TM9SF3: variants seen among roughly 807,000 people sequenced by gnomAD.
TM9SF3 encodes the protein transmembrane 9 superfamily member 3.
Under a neutral mutation model 78.6 loss-of-function variants are expected in TM9SF3, and 14 were observed. The ratio of observed to expected loss-of-function variants is 0.18; its 90% CI spans 0.12 to 0.28. The LOEUF (loss-of-function observed/expected upper bound fraction) is 0.28, where lower values mean the gene tolerates loss of function less well. Among genes scored for constraint, TM9SF3 ranks in the 10% least tolerant of loss-of-function variants. The probability of loss-of-function intolerance (pLI) is 1.00; values close to 1 mark genes in which losing one functional copy is unlikely to be tolerated. For synonymous variants in TM9SF3, 231 were observed against 241.7 expected, an observed-to-expected ratio of 0.96 and a Z score of 0.41; for missense variants, 496 against 721.9, an observed-to-expected ratio of 0.69 and a Z score of 3.59.
chr10:96,579,896 TACCAAAAGAC>T (rs1848541844), intron 1 of TM9SF3, among the ~76,000 whole-genome samples: 1 of 152,130 alleles, frequency 6.6e-6, no homozygotes, highest in Admixed American at 6.6e-5. Context: ...AATTAAAAAA[TACCAAAAGAC>T]TTCACACAAC....
intron 10 of TM9SF3, among the ~76,000 whole-genome samples, chr10:96,531,701 T>C (rs1847897676): frequency 6.6e-6 from 1 of 152,122 alleles, no homozygotes; most frequent in African/African-American, 2.4e-5. Context: ...CCCAGGATTA[T>C]ACTCCCCAAA....
chr10:96,560,655 G>A (rs1480157595), intron 4 of TM9SF3: 29 of 622,350 alleles, frequency 4.7e-5, no homozygotes, highest in Non-Finnish European at 5.8e-5. Flanking sequence ...AGTAAAACTT[G>A]CTGCTGATGA....
intron 12 of TM9SF3, 37 bp from the exon 13 acceptor site, chr10:96,527,533 T>G (rs771035685): frequency 6.7e-7 from 1 of 1,493,354 alleles, no homozygotes; most frequent in East Asian, 2.3e-5. Context: ...AAATCTCTTT[T>G]GAATGAATGG....
chr10:96,558,477 T>C (rs1388890710), intron 5 of TM9SF3, among the ~76,000 whole-genome samples: 1 of 151,724 alleles, frequency 6.6e-6, no homozygotes, highest in African/African-American at 2.4e-5. Flanking sequence ...ACCCCACCCC[T>C]ACTAAAAAAA....
Position 96,586,722 on chromosome 10 carries a change from G to A in TM9SF3, c.102+12C>T. On this transcript the variant is annotated intron_variant, in intron 1 of 14. Coordinates refer to ENST00000371142, the MANE Select transcript of TM9SF3 (RefSeq NM_020123.4). ...CTAGCCCGGGGCGGCCGCGCCGGCC[G>A]GGGCGCCTCACCGTGTGTTCGTGCT... The A allele has an allele frequency of 5.7e-6, 7 of 1,224,360 alleles. No individual in the cohort carries two copies. The highest frequency in any genetic ancestry group is 5.1e-6 in the Non-Finnish European group (5 of 982,932). 75.8% of individuals were successfully genotyped at this position (1,224,360 alleles called of 1,614,324 possible). A position where few individuals can be genotyped will look rare whatever the true frequency, so the allele number is the denominator to read the frequency against.
intron 2 of TM9SF3, among the ~76,000 whole-genome samples, chr10:96,572,325 G>A (rs981365593): frequency 1.3e-5 from 2 of 151,584 alleles, no homozygotes; most frequent in Non-Finnish European, 2.9e-5. Context: ...CAAAGAGGTT[G>A]AACAATTTGC....
intron 9 of TM9SF3, among the ~76,000 whole-genome samples, chr10:96,538,415 A>G (rs1180584005): frequency 6.6e-6 from 1 of 152,210 alleles, no homozygotes; most frequent in Non-Finnish European, 1.5e-5. Context: ...TTTAAGAGCT[A>G]AAACTATAAA....
At chr10:96,542,961 A>C (rs1212741234) in intron 9 of TM9SF3, among the ~76,000 whole-genome samples, 1 of 152,208 alleles carries the variant, frequency 6.6e-6, no homozygotes, top group Non-Finnish European at 1.5e-5. Context: ...TAGAAAGAAA[A>C]CCCAAACAAG....
Position 96,586,863 on chromosome 10 carries a change from G to T in TM9SF3, c.-28C>A, listed in dbSNP as rs561737482. 8.4e-7 allele frequency: 1 copy of T among 1,193,336 alleles called. No homozygotes were observed. The highest frequency in any genetic ancestry group is 1.0e-6 in the Non-Finnish European group (1 of 966,378). 73.9% of individuals were successfully genotyped at this position (1,193,336 alleles called of 1,614,324 possible). ...TCCGCGCCCCTCCGGCCCGGAGCCG[G>T]CTCACCGACTCCTCCTCCCGCCGCC... On this transcript the variant is annotated 5_prime_UTR_variant, in exon 1 of 15. Transcript: ENST00000371142.
intron 11 of TM9SF3, 22 bp downstream of exon 11, chr10:96,530,518 T>TA: frequency 6.3e-7 from 1 of 1,592,224 alleles, no homozygotes; most frequent in Non-Finnish European, 8.6e-7. Flanking sequence ...CCTCAAAACA[T>TA]AAATACATTA....
At chr10:96,574,901 C>T (rs1045087402) in intron 2 of TM9SF3, among the ~76,000 whole-genome samples, 3 of 152,104 alleles carry the variant, frequency 2.0e-5, no homozygotes, top group African/African-American at 7.2e-5. Context: ...GGGAAGGGAA[C>T]ATCACACACC....
At chr10:96,527,537 T>C (rs774307245) in intron 12 of TM9SF3, 41 bp from the exon 13 acceptor site, 3 of 1,468,990 alleles carry the variant, frequency 2.0e-6, no homozygotes, top group East Asian at 2.3e-5. Flanking sequence ...CTCTTTTGAA[T>C]GAATGGCACT....
At chr10:96,530,693 A>T (rs1245811306) in intron 10 of TM9SF3, 85 bp from the exon 11 acceptor site, 6 of 1,252,590 alleles carry the variant, frequency 4.8e-6, no homozygotes, top group African/African-American at 4.6e-5. Context: ...GGTACTTGAC[A>T]CTTAAAAAAT....
chr10:96,565,833 T>A (rs1251232015), intron 2 of TM9SF3, among the ~76,000 whole-genome samples: 2 of 152,178 alleles, frequency 1.3e-5, no homozygotes, highest in East Asian at 1.9e-4. Context: ...TTTGTAGCTA[T>A]AAGATCTCTC....
intron 5 of TM9SF3, among the ~76,000 whole-genome samples, chr10:96,554,143 T>C (rs771671217): frequency 6.6e-6 from 1 of 152,192 alleles, no homozygotes; most frequent in Non-Finnish European, 1.5e-5. Flanking sequence ...GGGGTTGTCA[T>C]AGAGTTTAAA....
intron 2 of TM9SF3, 32 bp downstream of exon 2, chr10:96,576,602 T>C (rs376028116): frequency 9.2e-6 from 14 of 1,527,140 alleles, no homozygotes; most frequent in African/African-American, 2.8e-5. Context: ...ACAATCCAAA[T>C]TGCATTGTAA....
chr10:96,568,668 A>G (rs984375938), intron 2 of TM9SF3, among the ~76,000 whole-genome samples: 11 of 152,314 alleles, frequency 7.2e-5, no homozygotes, highest in African/African-American at 2.4e-4. Flanking sequence ...ACATTTGGAA[A>G]ATGAGAAACA....
At position 96,586,842 on chromosome 10, in the gene TM9SF3, C is replaced by T; in HGVS notation, c.-7G>A. The T allele has an allele frequency of 8.2e-7, 1 of 1,214,268 alleles. No homozygotes were observed. The highest frequency in any genetic ancestry group is 1.0e-6 in the Non-Finnish European group (1 of 978,246). The allele number at this position is 1,214,268 out of a possible 1,614,324, so 75.2% of individuals were successfully genotyped here. On this transcript the variant is annotated 5_prime_UTR_variant, in exon 1 of 15. Transcript: ENST00000371142. ...CGCCAGGCAGCGGCCTCATCCTCCG[C>T]GCCCCTCCGGCCCGGAGCCGGCTCA...
chr10:96,536,859 C>T (rs1365108307), intron 9 of TM9SF3, among the ~76,000 whole-genome samples: 3 of 152,184 alleles, frequency 2.0e-5, no homozygotes, highest in East Asian at 3.9e-4. Context: ...TTCACAGGCA[C>T]GATCATAGAG....
Sources: gnomAD v4.1 joint callset for allele counts (sites outside exome capture counted in the v4.1 genomes callset) on GRCh38, gnomAD v4.1.1 for gene constraint, MANE v1.5 for transcripts, NCBI Gene and HGNC (gene_info 2026-07-23, HGNC 2026-07-21) for gene names.